The following FRAS1 variants were observed in gnomAD, a reference collection of about 807,000 sequenced individuals.
FRAS1 encodes the protein extracellular matrix organizing protein FRAS1.
Under a neutral mutation model 435.2 loss-of-function variants are expected in FRAS1, and 290 were observed. The observed-to-expected ratio is 0.67, with a 90% CI of 0.61 to 0.73. The LOEUF (loss-of-function observed/expected upper bound fraction) is 0.73, where lower values mean the gene tolerates loss of function less well. Ranked by LOEUF, FRAS1 falls within the 30% of genes least tolerant of loss-of-function variation. FRAS1 has a pLI of 0.00. For missense variants in FRAS1, 4,860 were observed against 5,001.5 expected (o/e 0.97, Z 0.85); for synonymous variants, 1,800 against 1,851.0 (o/e 0.97, Z 0.71).
At chr4:78,312,873 GAGAGAGAGAA>G (rs1729085826) in intron 15 of FRAS1, among the ~76,000 whole-genome samples, 2 of 147,288 alleles carry the variant, frequency 1.4e-5, no homozygotes, top group African/African-American at 5.0e-5. Flanking sequence ...GAGAGAGAGA[GAGAGAGAGAA>G]AGAAAGAAAG....
At chr4:78,218,840 T>A (rs1341298722) in intron 2 of FRAS1, among the ~76,000 whole-genome samples, 1 of 152,230 alleles carries the variant, frequency 6.6e-6, no homozygotes, top group Non-Finnish European at 1.5e-5. Context: ...ATATTCTGAG[T>A]CTGCCTTCTC....
intron 2 of FRAS1, among the ~76,000 whole-genome samples, chr4:78,102,959 A>T (rs569532800): frequency 1.1e-4 from 17 of 152,322 alleles, no homozygotes; most frequent in African/African-American, 3.8e-4. Context: ...CATCTGGAGT[A>T]TATCAGTATC....
At chr4:78,485,139 C>T (rs868484300) in intron 58 of FRAS1, among the ~76,000 whole-genome samples, 1 of 152,166 alleles carries the variant, frequency 6.6e-6, no homozygotes, top group African/African-American at 2.4e-5. Context: ...GTTACTAAGC[C>T]TCATTTTGCT....
rs765433709 is a variant in FRAS1, at chr4:78,534,484, G to A, written c.10961G>A (p.Arg3654His). 114 of 1,613,276 alleles carry A rather than the reference G, an allele frequency of 7.1e-5. 1 individual carries two copies. The highest frequency in any genetic ancestry group is 4.5e-4 in the East Asian group (20 of 44,866). ...LIPIAFQQTN[R>H]PVPVVYSLNT... is the part of the protein sequence containing the mutation. ...CCCATTGCATTCCAGCAGACCAACC[G>A]CCCTGTGCCAGTTGTGTATTCACTT... is the stretch of plus-strand genomic sequence containing the variant. Residue 3654 changes from arginine (R) to histidine (H), a missense_variant, in exon 71 of 74, where the codon CGC (arginine) becomes CAC (histidine). Transcript: ENST00000512123.
intron 30 of FRAS1, among the ~76,000 whole-genome samples, chr4:78,403,590 T>A (rs996099708): frequency 6.6e-6 from 1 of 152,196 alleles, no homozygotes; most frequent in Admixed American, 6.5e-5. Flanking sequence ...GACTTTGGGC[T>A]TTTTGTGAAG....
intron 30 of FRAS1, among the ~76,000 whole-genome samples, chr4:78,405,315 C>T (rs1733055803): frequency 6.6e-6 from 1 of 152,172 alleles, no homozygotes; most frequent in African/African-American, 2.4e-5. Flanking sequence ...CAACTGTACT[C>T]ACATTCATAA....
At chr4:78,494,967 G>A (rs1244786389) in intron 59 of FRAS1, among the ~76,000 whole-genome samples, 1 of 152,030 alleles carries the variant, frequency 6.6e-6, no homozygotes, top group African/African-American at 2.4e-5. Flanking sequence ...GTGCATGAGG[G>A]TTGCTATAAC....
At chr4:78,191,594 G>A (rs1028409142) in intron 2 of FRAS1, among the ~76,000 whole-genome samples, 13 of 151,174 alleles carry the variant, frequency 8.6e-5, no homozygotes, top group African/African-American at 2.7e-4. Context: ...ACAACGTGCA[G>A]GTTTGTTACA....
intron 43 of FRAS1, 125 bp downstream of exon 43, chr4:78,447,005 TA>T: frequency 1.0e-6 from 1 of 957,258 alleles, no homozygotes. Flanking sequence ...CATCAAAGTG[TA>T]ATCAAATTCA....
intron 70 of FRAS1, among the ~76,000 whole-genome samples, chr4:78,530,602 A>G (rs1481714008): frequency 6.6e-6 from 1 of 151,614 alleles, no homozygotes; most frequent in Non-Finnish European, 1.5e-5. Flanking sequence ...CTGAAACTGG[A>G]CTCCATTGCT....
intron 30 of FRAS1, among the ~76,000 whole-genome samples, chr4:78,407,330 TG>T (rs1733140171): frequency 6.6e-6 from 1 of 152,230 alleles, no homozygotes; most frequent in Non-Finnish European, 1.5e-5. Context: ...ATCCATTCAA[TG>T]CCCAGTATTT....
At chr4:78,223,546 G>A (rs1033288423) in intron 2 of FRAS1, among the ~76,000 whole-genome samples, 1 of 152,134 alleles carries the variant, frequency 6.6e-6, no homozygotes, top group African/African-American at 2.4e-5. Flanking sequence ...TCTAATGACA[G>A]TAGTGAACAA....
rs186040528 is a variant in FRAS1, at chr4:78,523,644, A to T, written c.10808+836A>T. On this transcript the variant is annotated intron_variant, in intron 69 of 73. Transcript: ENST00000512123. ...GTCTTGAGAATCATTTTCAAAAAAA[A>T]TTTTTTCTTAACTTAAAATTTTTGA... Among the ~76,000 whole-genome samples, 555 of 152,224 alleles carry T rather than the reference A, an allele frequency of 3.6e-3. 4 individuals carry two copies. Among genetic ancestry groups the T allele is most frequent in the African/African-American group, 0.012 (512 of 41,540 alleles).
intron 51 of FRAS1, among the ~76,000 whole-genome samples, chr4:78,471,064 G>C (rs1396539452): frequency 1.3e-5 from 2 of 152,166 alleles, no homozygotes; most frequent in South Asian, 4.2e-4. Context: ...AAATGAGAAA[G>C]AAGCGGGGCA....
intron 14 of FRAS1, among the ~76,000 whole-genome samples, chr4:78,303,213 C>T (rs1056818622): frequency 2.0e-5 from 3 of 152,084 alleles, no homozygotes; most frequent in African/African-American, 7.2e-5. Context: ...TTCCATTGAT[C>T]TATATCTCTG....
intron 18 of FRAS1, among the ~76,000 whole-genome samples, chr4:78,321,170 C>A (rs892967941): frequency 3.9e-5 from 6 of 152,312 alleles, no homozygotes; most frequent in African/African-American, 1.4e-4. Context: ...ATGAGCCAGG[C>A]ACTGTGAGAA....
chr4:78,452,428 T>C (rs1176676189), intron 47 of FRAS1, 74 bp downstream of exon 47: 2 of 1,118,902 alleles, frequency 1.8e-6, no homozygotes, highest in East Asian at 5.0e-5. Flanking sequence ...CCACATCATG[T>C]ATCATGTATA....
intron 20 of FRAS1, among the ~76,000 whole-genome samples, chr4:78,362,500 A>G (rs886256925): frequency 6.6e-6 from 1 of 152,222 alleles, no homozygotes; most frequent in African/African-American, 2.4e-5. Context: ...AGCAAGCTCC[A>G]TGGGGGGCCT....
intron 1 of FRAS1, 107 bp downstream of exon 1, chr4:78,058,192 G>C: frequency 9.8e-7 from 1 of 1,025,448 alleles, no homozygotes; most frequent in South Asian, 1.8e-5. Context: ...ATGGTATTTC[G>C]GTGAGGTGGA....
Sources: allele counts gnomAD v4.1 joint callset (sites outside exome capture counted in the v4.1 genomes callset), GRCh38; gene constraint gnomAD v4.1.1; transcripts MANE v1.5; gene names NCBI Gene and HGNC (gene_info 2026-07-23, HGNC 2026-07-21).